The following OR4K17 variants were observed in gnomAD, a reference collection of about 807,000 sequenced individuals.
The protein encoded by OR4K17 is olfactory receptor family 4 subfamily K member 17.
For synonymous variants in OR4K17, 157 were observed against 132.8 expected, an observed-to-expected ratio of 1.18 and a Z score of -1.25; for missense variants, 480 against 366.3, an observed-to-expected ratio of 1.31 and a Z score of -2.53.
rs1233837204 is a variant in OR4K17, at chr14:20,121,368, AC to A, written c.*2931del. 2 of 152,180 alleles carry A rather than the reference AC, an allele frequency of 1.3e-5. No individual in the cohort carries two copies. The highest frequency in any genetic ancestry group is 2.9e-5 in the Non-Finnish European group (2 of 68,028). The allele number at this position is 152,180 out of a possible 1,614,324, so 9.4% of individuals were successfully genotyped here. On this transcript the variant is annotated 3_prime_UTR_variant, in exon 2 of 2. Coordinates refer to ENST00000641386, the MANE Select transcript of OR4K17 (RefSeq NM_001004715.5). The stretch of plus-strand genomic sequence containing the variant: ...TTCAACAAAATCAAGCAAACAACAA[AC>A]AAAAAAATGGGGAAATTTGATGAAG...
rs1319862494 is a variant in OR4K17, at chr14:20,119,837, T to G, written c.*1399T>G. On this transcript the variant is annotated 3_prime_UTR_variant, in exon 2 of 2. Coordinates refer to ENST00000641386, the MANE Select transcript of OR4K17 (RefSeq NM_001004715.5). ...TGGGTGACAGAGTGAGAGTCCATCT[T>G]AAAATAATAATAATAATAGTAGCAG... 1 of 152,116 alleles carries G rather than the reference T, an allele frequency of 6.6e-6. No individual in the cohort carries two copies. The highest frequency in any genetic ancestry group is 1.5e-5 in the Non-Finnish European group (1 of 68,012). The allele number at this position is 152,116 out of a possible 1,614,324, so 9.4% of individuals were successfully genotyped here. A position where few individuals can be genotyped will look rare whatever the true frequency, so the allele number is the denominator to read the frequency against.
Position 20,119,827 on chromosome 14 carries a change from G to C in OR4K17, c.*1389G>C, listed in dbSNP as rs1186977769. ...CCCTCCAGCCTGGGTGACAGAGTGA[G>C]AGTCCATCTTAAAATAATAATAATA... is the stretch of plus-strand genomic sequence containing the variant. On this transcript the variant is annotated 3_prime_UTR_variant, in exon 2 of 2. Transcript: ENST00000641386. 1 of 152,068 alleles carries C rather than the reference G, an allele frequency of 6.6e-6. No homozygotes were observed. Among genetic ancestry groups the C allele is most frequent in the Non-Finnish European group, 1.5e-5 (1 of 68,014 alleles). 9.4% of individuals were successfully genotyped at this position (152,068 alleles called of 1,614,324 possible).
At position 20,118,244 on chromosome 14, in the gene OR4K17, C is replaced by G. The variant is rs778786337; in HGVS notation, c.745C>G (p.Leu249Val). The change falls in exon 2 of 2, where the codon CTC (leucine) becomes GTC (valine). Residue 249 changes from leucine to valine, a missense_variant. Transcript: ENST00000641386. ...TLTAHITVVI[L>V]FFGPCIFIYI... ...GACTGCTCACATCACAGTGGTGATT[C>G]TCTTCTTTGGCCCATGCATCTTTAT... 6 of 1,613,912 alleles carry G rather than the reference C, an allele frequency of 3.7e-6. No individual in the cohort carries two copies. In the East Asian group the frequency reaches 1.3e-4, roughly 36 times the overall value.
At chr14:20,111,949 C>A (rs1234807379) in intron 1 of OR4K17, 1 of 151,946 alleles carries the variant, frequency 6.6e-6, no homozygotes, top group African/African-American at 2.4e-5. Context: ...AAAGAGCAAT[C>A]CAAGATCCAC....
rs1310771599 is a variant in OR4K17 at position 20,118,269 on chromosome 14, TCTAC to T, written c.771_774del (p.Tyr258PhefsTer9). On this transcript the variant is annotated frameshift_variant, in exon 2 of 2. Coordinates refer to ENST00000641386, the MANE Select transcript of OR4K17 (RefSeq NM_001004715.5). LOFTEE classifies it low-confidence loss of function (END_TRUNC). ...CTCTTCTTTGGCCCATGCATCTTTA[TCTAC>T]ATTTGGCCCTTCGGCAACCACTCTG... 3.1e-6 allele frequency: 5 copies of T among 1,613,980 alleles called. No individual in the cohort carries two copies. The African/African-American group carries it at 6.7e-5, about 22-fold the overall frequency.
At chr14:20,111,571 T>G (rs549256018) in intron 1 of OR4K17, among the ~76,000 whole-genome samples, 1 of 151,992 alleles carries the variant, frequency 6.6e-6, no homozygotes, top group African/African-American at 2.4e-5. Flanking sequence ...TTTAAGAGCA[T>G]GTAAGCATTT....
rs895404745 is a variant in OR4K17 at position 20,121,145 on chromosome 14, C to T, written c.*2707C>T. ...CTGTGAAGTCTGGAAGAGATGACTG[C>T]TCCAACAAATGCACAGAAATCTGCT... On this transcript the variant is annotated 3_prime_UTR_variant, in exon 2 of 2. Coordinates refer to ENST00000641386, the MANE Select transcript of OR4K17 (RefSeq NM_001004715.5). The T allele has an allele frequency of 1.3e-5, 2 of 152,184 alleles. No homozygotes were observed. Among genetic ancestry groups the T allele is most frequent in the Non-Finnish European group, 2.9e-5 (2 of 68,048 alleles). 9.4% of individuals were successfully genotyped at this position (152,184 alleles called of 1,614,324 possible).
chr14:20,118,491 C>G lies in OR4K17; in HGVS notation c.*53C>G. 2 of 1,020,768 alleles carry G rather than the reference C, an allele frequency of 2.0e-6. No homozygotes were observed. The highest frequency in any genetic ancestry group is 2.9e-6 in the Non-Finnish European group (2 of 694,926). 63.2% of individuals were successfully genotyped at this position (1,020,768 alleles called of 1,614,324 possible). A position where few individuals can be genotyped will look rare whatever the true frequency, so the allele number is the denominator to read the frequency against. On this transcript the variant is annotated 3_prime_UTR_variant, in exon 2 of 2. Coordinates refer to ENST00000641386, the MANE Select transcript of OR4K17 (RefSeq NM_001004715.5). ...CATGGTGGCTGATGCCTGTAATCCC[C>G]ACACTTTGGGAGGAATATCAGGGGA...
In OR4K17 at chr14:20,122,015, T is replaced by C. The variant is rs944426947; in HGVS notation, c.*3577T>C. The stretch of plus-strand genomic sequence containing the variant: ...GTTTTATGCAAATACTGTGACATTT[T>C]GTATAAGGGACTTAAGCATCTATAG... On this transcript the variant is annotated 3_prime_UTR_variant, in exon 2 of 2. Coordinates refer to ENST00000641386, the MANE Select transcript of OR4K17 (RefSeq NM_001004715.5). 6.6e-6 allele frequency: 1 copy of C among 152,126 alleles called. No homozygotes were observed. The highest frequency in any genetic ancestry group is 1.5e-5 in the Non-Finnish European group (1 of 67,976). The allele number at this position is 152,126 out of a possible 1,614,324, so 9.4% of individuals were successfully genotyped here. A position where few individuals can be genotyped will look rare whatever the true frequency, so the allele number is the denominator to read the frequency against.
In OR4K17 at chr14:20,120,322, G is replaced by A. The variant is rs1458942653; in HGVS notation, c.*1884G>A. 1 of 152,104 alleles carries A rather than the reference G, an allele frequency of 6.6e-6. No individual in the cohort carries two copies. Among genetic ancestry groups the A allele is most frequent in the African/African-American group, 2.4e-5 (1 of 41,418 alleles). The allele number at this position is 152,104 out of a possible 1,614,324, so 9.4% of individuals were successfully genotyped here. A position where few individuals can be genotyped will look rare whatever the true frequency, so the allele number is the denominator to read the frequency against. On this transcript the variant is annotated 3_prime_UTR_variant, in exon 2 of 2. Coordinates refer to ENST00000641386, the MANE Select transcript of OR4K17 (RefSeq NM_001004715.5). ...TCTACCTACACTCATTTTTCTTGTA[G>A]CTTCCAAAATAAGAATTCATGAAGA... is the stretch of plus-strand genomic sequence containing the variant.
chr14:20,116,640 A>G (rs1478830699), intron 1 of OR4K17, among the ~76,000 whole-genome samples: 1 of 152,172 alleles, frequency 6.6e-6, no homozygotes, highest in Non-Finnish European at 1.5e-5. Flanking sequence ...TAGATGTCAC[A>G]AGTAATGCCA....
chr14:20,117,854 G>A lies in OR4K17; in HGVS notation c.355G>A (p.Ala119Thr), dbSNP rs533388474. ...GVEMVLLVSM[A>T]FDRYVAICKP... ...TGAAATGGTACTGTTGGTCTCCATG[G>A]CTTTTGACAGATATGTGGCCATTTG... Residue 119 changes from alanine to threonine, a missense_variant, in exon 2 of 2, where the codon GCT (alanine) becomes ACT (threonine). Ala to Thr is a moderately conservative substitution (Grantham distance 58). Transcript: ENST00000641386. 1.2e-6 allele frequency: 2 copies of A among 1,613,924 alleles called. No homozygotes were observed. Among genetic ancestry groups the A allele is most frequent in the Non-Finnish European group, 1.7e-6 (2 of 1,179,986 alleles).
At position 20,118,350 on chromosome 14, in the gene OR4K17, C is replaced by A. The variant is rs748536763; in HGVS notation, c.851C>A (p.Pro284Gln). The change falls in exon 2 of 2, where the codon CCA becomes CAA. Residue 284 changes from proline (P) to glutamine (Q), a missense_variant. Coordinates refer to ENST00000641386, the MANE Select transcript of OR4K17 (RefSeq NM_001004715.5). ...ACCATCATCACTCCTATCTTGAATC[C>A]AATTATCTATACTCTGAGAAACAAA... ...FYTIITPILN[P>Q]IIYTLRNKEM... 1 of 1,611,434 alleles carries A rather than the reference C, an allele frequency of 6.2e-7. No individual in the cohort carries two copies. Among genetic ancestry groups the A allele is most frequent in the Non-Finnish European group, 8.5e-7 (1 of 1,177,724 alleles).
chr14:20,117,943 A>T lies in OR4K17; in HGVS notation c.444A>T (p.Ser148=). 1.2e-6 allele frequency: 2 copies of T among 1,614,002 alleles called. No homozygotes were observed. Among genetic ancestry groups the T allele is most frequent in the African/African-American group, 1.3e-5 (1 of 74,976 alleles). ...TATGTGTTTTGCTTGTAGTGACCTC[A>T]TGGCTCTTGGGTCTCCTTCACTCAG... ...KKVCVLLVVT[S]WLLGLLHSGF... Residue 148 remains serine, a synonymous_variant, in exon 2 of 2, where the codon TCA becomes TCT. Coordinates refer to ENST00000641386, the MANE Select transcript of OR4K17 (RefSeq NM_001004715.5).
At position 20,120,829 on chromosome 14, in the gene OR4K17, T is replaced by C. The variant is rs908618571; in HGVS notation, c.*2391T>C. The C allele has an allele frequency of 5.3e-5, 8 of 152,264 alleles. No individual in the cohort carries two copies. 9.4% of individuals were successfully genotyped at this position (152,264 alleles called of 1,614,324 possible). ...AAGCAGTTTCTCAAGCTGGACCCAG[T>C]GCCAAGAGGGATTCCTCCAGCCACA... On this transcript the variant is annotated 3_prime_UTR_variant, in exon 2 of 2. Coordinates refer to ENST00000641386, the MANE Select transcript of OR4K17 (RefSeq NM_001004715.5).
chr14:20,113,452 G>A (rs1238389322), intron 1 of OR4K17, among the ~76,000 whole-genome samples: 3 of 151,946 alleles, frequency 2.0e-5, no homozygotes, highest in Admixed American at 1.3e-4. Context: ...GTGAATTTTA[G>A]CCAGTTAGTA....
intron 1 of OR4K17, among the ~76,000 whole-genome samples, chr14:20,113,872 T>A (rs529835282): frequency 6.6e-6 from 1 of 150,764 alleles, no homozygotes; most frequent in African/African-American, 2.4e-5. Context: ...TAATTTTTTA[T>A]ATCAGATAGA....
Position 20,117,827 on chromosome 14 carries a change from G to A in OR4K17, c.328G>A (p.Val110Ile), listed in dbSNP as rs777273147. 2 of 1,613,986 alleles carry A rather than the reference G, an allele frequency of 1.2e-6. No homozygotes were observed. Among genetic ancestry groups the A allele is most frequent in the Non-Finnish European group, 1.7e-6 (2 of 1,180,024 alleles). Residue 110 changes from valine (V) to isoleucine (I), a missense_variant, in exon 2 of 2, where the codon GTT becomes ATT. By Grantham distance (29) the Val-to-Ile change is conservative. Coordinates refer to ENST00000641386, the MANE Select transcript of OR4K17 (RefSeq NM_001004715.5). ...QIFLLHLLGG[V>I]EMVLLVSMAF... ...ATTTCTCCTTCACTTACTGGGTGGG[G>A]TTGAAATGGTACTGTTGGTCTCCAT...
In OR4K17 at chr14:20,118,506, A is replaced by T. The variant is rs1878077304; in HGVS notation, c.*68A>T. 1 of 866,800 alleles carries T rather than the reference A, an allele frequency of 1.2e-6. No individual in the cohort carries two copies. The highest frequency in any genetic ancestry group is 1.8e-6 in the Non-Finnish European group (1 of 563,012). 53.7% of individuals were successfully genotyped at this position (866,800 alleles called of 1,614,324 possible). On this transcript the variant is annotated 3_prime_UTR_variant, in exon 2 of 2. Transcript: ENST00000641386. ...CTGTAATCCCCACACTTTGGGAGGA[A>T]TATCAGGGGAACCAGCCCCCAATAT... is the stretch of plus-strand genomic sequence containing the variant.
Sources: gnomAD v4.1 joint callset for allele counts (sites outside exome capture counted in the v4.1 genomes callset) on GRCh38, gnomAD v4.1.1 for gene constraint, MANE v1.5 for transcripts, NCBI Gene and HGNC (gene_info 2026-07-23, HGNC 2026-07-21) for gene names.